RPA1: variants seen among roughly 807,000 people sequenced by gnomAD.
RPA1 encodes replication protein A1.
Under a neutral mutation model 83.0 loss-of-function variants are expected in RPA1, and 49 were observed. The ratio of observed to expected loss-of-function variants is 0.59; its 90% CI spans 0.47 to 0.75. RPA1 has a LOEUF of 0.75. Among genes scored for constraint, RPA1 ranks in the 30% least tolerant of loss-of-function variants. RPA1 has a pLI of 0.00. For missense variants in RPA1, 693 were observed against 776.1 expected, an observed-to-expected ratio of 0.89 and a Z score of 1.27; for synonymous variants, 279 against 281.8, an observed-to-expected ratio of 0.99 and a Z score of 0.10.
At chr17:1,834,294 C>T (rs1368285731) in intron 1 of RPA1, among the ~76,000 whole-genome samples, 3 of 152,152 alleles carry the variant, frequency 2.0e-5, no homozygotes, top group East Asian at 3.8e-4. Context: ...TGGGCTTAAG[C>T]GATCCTCTCG....
Position 1,888,960 on chromosome 17 carries a change from C to T in RPA1, c.1551+109C>T, listed in dbSNP as rs17339074. ...GACAAAGCATTCCTGGTAGGAAGCCCGCAGATGAGTAGGTGTGGAAGAGCT... is the reference window on the plus strand; with the variant it reads ...GACAAAGCATTCCTGGTAGGAAGCCTGCAGATGAGTAGGTGTGGAAGAGCT... On this transcript the variant is annotated intron_variant, in intron 14 of 16. Coordinates refer to ENST00000254719, the MANE Select transcript of RPA1 (RefSeq NM_002945.5). The T allele has an allele frequency of 4.2e-3, 4,926 of 1,173,560 alleles. 166 individuals carry two copies. In the African/African-American group the frequency reaches 0.064, roughly 15 times the overall value. The allele number at this position is 1,173,560 out of a possible 1,614,324, so 72.7% of individuals were successfully genotyped here.
intron 12 of RPA1, among the ~76,000 whole-genome samples, chr17:1,881,667 G>C (rs1015212095): frequency 6.6e-6 from 1 of 152,004 alleles, no homozygotes; most frequent in East Asian, 1.9e-4. Context: ...CATTAAAATC[G>C]CATTCCCACA....
At chr17:1,858,469 T>TA in intron 5 of RPA1, 3 of 1,187,978 alleles carry the variant, frequency 2.5e-6, no homozygotes, top group African/African-American at 1.6e-5. Context: ...TCTCTCTTTT[T>TA]CTTTTTTTTT....
intron 16 of RPA1, among the ~76,000 whole-genome samples, chr17:1,895,659 G>GTATTTATTTATTTATA (rs1914384718): frequency 7.1e-6 from 1 of 141,812 alleles, no homozygotes; most frequent in East Asian, 2.1e-4. Context: ...ATACCATATA[G>GTATTTATTTATTTATA]TATTTATTTA....
At chr17:1,832,978 G>A (rs768970980) in intron 1 of RPA1, among the ~76,000 whole-genome samples, 19 of 152,164 alleles carry the variant, frequency 1.2e-4, no homozygotes, top group African/African-American at 2.4e-4. Context: ...CCATGCTGGA[G>A]TGCAGTGGCA....
intron 1 of RPA1, among the ~76,000 whole-genome samples, chr17:1,838,975 C>T (rs552023729): frequency 2.6e-5 from 4 of 151,892 alleles, no homozygotes; most frequent in Admixed American, 1.3e-4. Flanking sequence ...CTCAGCCTCC[C>T]GAGTAGCTGG....
chr17:1,892,871 G>A (rs1259355211), intron 15 of RPA1, among the ~76,000 whole-genome samples: 3 of 152,206 alleles, frequency 2.0e-5, no homozygotes, highest in Non-Finnish European at 4.4e-5. Flanking sequence ...CTGAATTTAG[G>A]AAAGGTAGTT....
chr17:1,869,086 G>T (rs761292791), intron 5 of RPA1, among the ~76,000 whole-genome samples: 1 of 152,214 alleles, frequency 6.6e-6, no homozygotes, highest in Non-Finnish European at 1.5e-5. Flanking sequence ...TAGTTGTTAA[G>T]AAAGTACTTA....
At chr17:1,843,097 T>A (rs1416612102) in intron 2 of RPA1, among the ~76,000 whole-genome samples, 1 of 151,944 alleles carries the variant, frequency 6.6e-6, no homozygotes, top group Admixed American at 6.6e-5. Flanking sequence ...TCTCTCTTCC[T>A]CCCCACTGTT....
chr17:1,859,563 G>A (rs1912859289), intron 5 of RPA1, among the ~76,000 whole-genome samples: 1 of 152,094 alleles, frequency 6.6e-6, no homozygotes, highest in African/African-American at 2.4e-5. Context: ...TTTTATCCCT[G>A]GGAAATTCTG....
chr17:1,839,206 T>C (rs1364129328), intron 1 of RPA1, among the ~76,000 whole-genome samples: 2 of 152,230 alleles, frequency 1.3e-5, no homozygotes, highest in African/African-American at 4.8e-5. Context: ...TATCTGTTTC[T>C]GGAATGTCAA....
At chr17:1,858,348 C>T (rs1185096803) in intron 5 of RPA1, 13 of 1,607,402 alleles carry the variant, frequency 8.1e-6, no homozygotes, top group Middle Eastern at 1.9e-4. Context: ...GGCAGATGGA[C>T]ATCGCCATGG....
At position 1,855,253 on chromosome 17, in the gene RPA1, C is replaced by G. The variant is rs897048011; in HGVS notation, c.361+2064C>G. 4.6e-5 allele frequency among the ~76,000 whole-genome samples: 7 copies of G among 152,086 alleles called. No individual in the cohort carries two copies. The South Asian group carries it at 1.5e-3, about 32-fold the overall frequency. ...TCTAGGCTCACTGCAACCTCCGCCT[C>G]CCGGGTTCAAGTGATTCTCGTGCCT... On this transcript the variant is annotated intron_variant, in intron 5 of 16. Coordinates refer to ENST00000254719, the MANE Select transcript of RPA1 (RefSeq NM_002945.5).
intron 15 of RPA1, among the ~76,000 whole-genome samples, chr17:1,892,506 C>T (rs765380876): frequency 1.5e-4 from 23 of 152,294 alleles, no homozygotes; most frequent in African/African-American, 2.4e-4. Flanking sequence ...CGAAGCCACC[C>T]GTTTCTCCTG....
chr17:1,872,447 G>A lies in RPA1; in HGVS notation c.375G>A (p.Pro125=), dbSNP rs1158001784. 12 of 1,613,686 alleles carry A rather than the reference G, an allele frequency of 7.4e-6. No homozygotes were observed. The highest frequency in any genetic ancestry group is 1.7e-5 in the Admixed American group (1 of 59,958). Residue 125 remains proline (P), a synonymous_variant, in exon 6 of 17, where the codon CCG becomes CCA. Transcript: ENST00000254719. ...PVPYNEGLGQ[P]QVAPPAPAAS... ...TTTGATCTTCAGGACTCGGGCAGCC[G>A]CAAGTAGCTCCTCCAGCGCCAGCAG...
At chr17:1,837,132 G>A (rs781377452) in intron 1 of RPA1, among the ~76,000 whole-genome samples, 3 of 151,972 alleles carry the variant, frequency 2.0e-5, no homozygotes, top group South Asian at 2.1e-4. Flanking sequence ...CACCACGCCC[G>A]GCCTAAAAAT....
At position 1,855,497 on chromosome 17, in the gene RPA1, C is replaced by T. The variant is rs182304329; in HGVS notation, c.361+2308C>T. ...TCAGCCACGTTGATTGGTTTTTGAG[C>T]GCTAAACCAATCTGGGATCTCTGGG... On this transcript the variant is annotated intron_variant, in intron 5 of 16. Coordinates refer to ENST00000254719, the MANE Select transcript of RPA1 (RefSeq NM_002945.5). Among the ~76,000 whole-genome samples the T allele has an allele frequency of 9.1e-4, 139 of 152,224 alleles. 1 individual carries two copies. Among genetic ancestry groups the T allele is most frequent in the African/African-American group, 3.2e-3 (134 of 41,526 alleles).
rs1914491712 is a variant in RPA1 at position 1,897,559 on chromosome 17, C to CTA, written c.*384_*385insTA. 1 of 164,742 alleles carries CTA rather than the reference C, an allele frequency of 6.1e-6. No individual in the cohort carries two copies. Among genetic ancestry groups the CTA allele is most frequent in the Non-Finnish European group, 1.3e-5 (1 of 74,898 alleles). The allele number at this position is 164,742 out of a possible 1,614,324, so 10.2% of individuals were successfully genotyped here. A position where few individuals can be genotyped will look rare whatever the true frequency, so the allele number is the denominator to read the frequency against. The stretch of plus-strand genomic sequence containing the variant: ...CTTCTCCAGTGGTGACCACCCCCCC[C>CTA]CATCCCCGCTCACAACTTGGGTTCT... On this transcript the variant is annotated 3_prime_UTR_variant, in exon 17 of 17. Transcript: ENST00000254719.
chr17:1,894,980 T>C lies in RPA1; in HGVS notation c.1660-29T>C, dbSNP rs775252500. ...TTTGCAAGTTGTCCAGTGGTTTCCA[T>C]GTGTCAAGTTTTATGTTTGTTTTTG... On this transcript the variant is annotated intron_variant, in intron 15 of 16. Transcript: ENST00000254719. 11 of 1,584,902 alleles carry C rather than the reference T, an allele frequency of 6.9e-6. No individual in the cohort carries two copies. In the African/African-American group the frequency reaches 1.1e-4, roughly 16 times the overall value.
Sources: gnomAD v4.1 joint callset for allele counts (sites outside exome capture counted in the v4.1 genomes callset) on GRCh38, gnomAD v4.1.1 for gene constraint, MANE v1.5 for transcripts, NCBI Gene and HGNC (gene_info 2026-07-23, HGNC 2026-07-21) for gene names.